The following ERG variants were observed in gnomAD, a reference collection of about 807,000 sequenced individuals.
The protein encoded by ERG is ETS transcription factor ERG.
A neutral mutation model predicts 55.3 loss-of-function variants in ERG; 9 were observed. That is an observed-to-expected ratio of 0.16 (90% CI 0.10 to 0.28). The LOEUF (loss-of-function observed/expected upper bound fraction) is 0.28. ERG is among the 10% of genes least tolerant of loss of function. ERG has a pLI of 1.00. For missense variants in ERG, 434 were observed against 631.6 expected (o/e 0.69, Z 3.35); for synonymous variants, 223 against 237.3 (o/e 0.94, Z 0.55).
chr21:38,381,033 G>A lies in ERG; in HGVS notation c.*2370C>T, dbSNP rs958059131. The A allele has an allele frequency of 4.3e-5, 46 of 1,064,406 alleles. No individual in the cohort carries two copies. The highest frequency in any genetic ancestry group is 4.9e-5 in the Non-Finnish European group (43 of 878,776). 65.9% of individuals were successfully genotyped at this position (1,064,406 alleles called of 1,614,324 possible). A position where few individuals can be genotyped will look rare whatever the true frequency, so the allele number is the denominator to read the frequency against. On this transcript the variant is annotated 3_prime_UTR_variant, in exon 10 of 10. Coordinates refer to ENST00000288319, the MANE Select transcript of ERG (RefSeq NM_182918.4). Reference sequence around the variant, plus strand: ...TTCCCTAAGGAGATACGGGCACTTTGTGGGCCTTCCCAGGCTGCTGCAAAA... The same window carrying A: ...TTCCCTAAGGAGATACGGGCACTTTATGGGCCTTCCCAGGCTGCTGCAAAA...
At chr21:38,612,593 G>C (rs980174927) in intron 1 of ERG, among the ~76,000 whole-genome samples, 42 of 150,850 alleles carry the variant, frequency 2.8e-4, no homozygotes, top group African/African-American at 9.7e-4. Flanking sequence ...AAGTCTTCAT[G>C]AAAAACAGAG....
upstream of ERG, among the ~76,000 whole-genome samples, chr21:38,498,763 C>T (rs2059399855): frequency 1.3e-5 from 2 of 152,112 alleles, no homozygotes; most frequent in Non-Finnish European, 2.9e-5. The surrounding 1 kb of genome is among the most constrained non-coding windows in gnomAD (Gnocchi z 4.6). Flanking sequence ...TGTGATGGGA[C>T]TCCGCATGGC....
At chr21:38,454,347 TC>T (rs1172583284) in intron 1 of ERG, among the ~76,000 whole-genome samples, 1 of 152,134 alleles carries the variant, frequency 6.6e-6, no homozygotes, top group Non-Finnish European at 1.5e-5. Flanking sequence ...GCTCTGGGAA[TC>T]ACCTGGGTAA....
intron 1 of ERG, among the ~76,000 whole-genome samples, chr21:38,600,453 T>C (rs2836551): frequency 0.38 from 58,147 of 152,036 alleles, 11,656 homozygotes; most frequent in Middle Eastern, 0.55. Flanking sequence ...TCCCGGTCCC[T>C]GTTTGCTCCA....
chr21:38,561,141 T>C (rs2059890408), intron 2 of ERG, among the ~76,000 whole-genome samples: 2 of 152,208 alleles, frequency 1.3e-5, no homozygotes, highest in Admixed American at 6.5e-5. Context: ...AGGAATCAAG[T>C]AACAGGTCTT....
intron 1 of ERG, among the ~76,000 whole-genome samples, chr21:38,452,698 GC>G (rs1348854231): frequency 6.6e-6 from 1 of 152,102 alleles, no homozygotes; most frequent in Non-Finnish European, 1.5e-5. Context: ...TTTTCCCTAT[GC>G]TCAGCACATC....
At chr21:38,618,554 TG>T (rs1370917608) in intron 1 of ERG, among the ~76,000 whole-genome samples, 1 of 151,946 alleles carries the variant, frequency 6.6e-6, no homozygotes, top group Non-Finnish European at 1.5e-5. Flanking sequence ...GCGGGGAGGT[TG>T]GGGGGGAACA....
chr21:38,385,217 C>G (rs1413430754), intron 9 of ERG, among the ~76,000 whole-genome samples: 1 of 152,212 alleles, frequency 6.6e-6, no homozygotes, highest in Non-Finnish European at 1.5e-5. Flanking sequence ...TAAATATTGA[C>G]AGCAGTATCC....
chr21:38,511,596 A>G (rs2059512059), intron 2 of ERG, among the ~76,000 whole-genome samples: 1 of 152,238 alleles, frequency 6.6e-6, no homozygotes, highest in African/African-American at 2.4e-5. Context: ...CAATTCTGCC[A>G]ATGAAAATTC....
intron 6 of ERG, chr21:38,395,702 T>C (rs1293044607): frequency 5.9e-6 from 1 of 170,722 alleles, no homozygotes; most frequent in African/African-American, 2.4e-5. Flanking sequence ...ACTCGGCTAG[T>C]GCTGACCACT....
At chr21:38,377,753 C>T (rs1033518259), downstream of ERG, among the ~76,000 whole-genome samples, 1 of 152,188 alleles carries the variant, frequency 6.6e-6, no homozygotes, top group South Asian at 2.1e-4. Flanking sequence ...CATCCCACGA[C>T]GACTTGGAGG....
chr21:38,487,980 T>C (rs2059302140), intron 1 of ERG, among the ~76,000 whole-genome samples: 1 of 152,146 alleles, frequency 6.6e-6, no homozygotes, highest in Non-Finnish European at 1.5e-5. Context: ...ACGTGAGACA[T>C]GACAGCATCT....
At chr21:38,620,363 T>C (rs145680252) in intron 1 of ERG, among the ~76,000 whole-genome samples, 412 of 152,314 alleles carry the variant, frequency 2.7e-3, no homozygotes, top group African/African-American at 9.6e-3. Context: ...CTCCTACTCA[T>C]GTATGACGGC....
At chr21:38,654,787 TA>T (rs2060508968) in intron 1 of ERG, among the ~76,000 whole-genome samples, 1 of 152,232 alleles carries the variant, frequency 6.6e-6, no homozygotes, top group African/African-American at 2.4e-5. Flanking sequence ...CTTGCTGCTG[TA>T]TCTTGAACTG....
intron 6 of ERG, among the ~76,000 whole-genome samples, chr21:38,397,794 CTAATT>C (rs1419648136): frequency 1.3e-5 from 2 of 152,006 alleles, no homozygotes; most frequent in Non-Finnish European, 2.9e-5. Flanking sequence ...GGAATGCTGT[CTAATT>C]TAACCAGTAA....
chr21:38,490,912 G>A (rs1329226123), intron 1 of ERG, among the ~76,000 whole-genome samples: 2 of 152,182 alleles, frequency 1.3e-5, no homozygotes, highest in Non-Finnish European at 2.9e-5. Context: ...AAGAAATACA[G>A]AGTACCAAGT....
intron 1 of ERG, among the ~76,000 whole-genome samples, chr21:38,658,233 G>A (rs1399977618): frequency 6.6e-6 from 1 of 152,228 alleles, no homozygotes; most frequent in Non-Finnish European, 1.5e-5. Flanking sequence ...GAGATCAGCT[G>A]TCAACTTAAA....
chr21:38,598,984 T>C (rs997942983), intron 1 of ERG, among the ~76,000 whole-genome samples: 2 of 152,130 alleles, frequency 1.3e-5, no homozygotes, highest in Admixed American at 6.5e-5. Context: ...GCAGGGAAAT[T>C]TCACATCCAT....
chr21:38,609,656 T>C (rs1851401497), intron 1 of ERG, among the ~76,000 whole-genome samples: 1 of 152,226 alleles, frequency 6.6e-6, no homozygotes, highest in Non-Finnish European at 1.5e-5. Context: ...TGTGCAAAAT[T>C]ATAAACACAT....
Sources: gnomAD v4.1 joint callset for allele counts (sites outside exome capture counted in the v4.1 genomes callset) on GRCh38, gnomAD v4.1.1 for gene constraint, Gnocchi (gnomAD v3.1) non-coding constraint, MANE v1.5 for transcripts, NCBI Gene and HGNC (gene_info 2026-07-23, HGNC 2026-07-21) for gene names.